PTPRG: variants seen among roughly 807,000 people sequenced by gnomAD.
PTPRG encodes receptor-type tyrosine-protein phosphatase gamma.
In PTPRG, 102 loss-of-function variants were observed where a neutral mutation model predicts 165.3. The ratio of observed to expected loss-of-function variants is 0.62; its 90% CI spans 0.53 to 0.73. PTPRG has a LOEUF of 0.73. Ranked by LOEUF, PTPRG falls within the 30% of genes least tolerant of loss-of-function variation. The pLI is 0.00. For synonymous variants in PTPRG, 675 were observed against 669.5 expected, an observed-to-expected ratio of 1.01 and a Z score of -0.13; for missense variants, 1,866 against 1,861.4, an observed-to-expected ratio of 1.00 and a Z score of -0.05.
chr3:62,121,178 C>T (rs1703057164), intron 5 of PTPRG, among the ~76,000 whole-genome samples: 1 of 150,444 alleles, frequency 6.6e-6, no homozygotes, highest in African/African-American at 2.5e-5. Context: ...TGATCTCGAT[C>T]TCCTGACCTC....
intron 1 of PTPRG, among the ~76,000 whole-genome samples, chr3:61,629,001 C>A (rs182748048): frequency 6.6e-6 from 1 of 152,062 alleles, no homozygotes; most frequent in South Asian, 2.1e-4. Flanking sequence ...TTCAGTGAAA[C>A]GTCTGCCATG....
intron 8 of PTPRG, among the ~76,000 whole-genome samples, chr3:62,183,733 C>T (rs1474206318): frequency 2.6e-5 from 4 of 152,012 alleles, no homozygotes; most frequent in African/African-American, 4.8e-5. Flanking sequence ...TTTAGAGAGA[C>T]CCGAAGGAGT....
intron 1 of PTPRG, among the ~76,000 whole-genome samples, chr3:61,741,828 G>C (rs666678): frequency 0.66 from 99,900 of 151,944 alleles, 33,732 homozygotes; most frequent in Middle Eastern, 0.73. Flanking sequence ...GACTTCCATT[G>C]ACATTCATAT....
At chr3:61,807,508 T>A (rs184122183) in intron 2 of PTPRG, among the ~76,000 whole-genome samples, 1 of 152,210 alleles carries the variant, frequency 6.6e-6, no homozygotes, top group Admixed American at 6.5e-5. Context: ...ATTTTAACAT[T>A]GTGGTCAATT....
At chr3:61,726,141 A>G (rs1286357422) in intron 1 of PTPRG, among the ~76,000 whole-genome samples, 1 of 152,184 alleles carries the variant, frequency 6.6e-6, no homozygotes, top group Non-Finnish European at 1.5e-5. Flanking sequence ...ATCATACTCT[A>G]TGACCTTGTG....
At chr3:61,892,309 C>G (rs1390626550) in intron 2 of PTPRG, among the ~76,000 whole-genome samples, 2 of 152,174 alleles carry the variant, frequency 1.3e-5, no homozygotes, top group African/African-American at 4.8e-5. Context: ...CTACTGTAGC[C>G]TCAGCATCCT....
At chr3:61,592,823 A>G (rs1166222642) in intron 1 of PTPRG, among the ~76,000 whole-genome samples, 1 of 152,050 alleles carries the variant, frequency 6.6e-6, no homozygotes, top group Non-Finnish European at 1.5e-5. Flanking sequence ...ATTTTCCCCC[A>G]CAAGTTCCCA....
chr3:62,283,635 G>A (rs73840297), intron 28 of PTPRG, among the ~76,000 whole-genome samples: 1 of 152,026 alleles, frequency 6.6e-6, no homozygotes, highest in Non-Finnish European at 1.5e-5. Context: ...GTAGCTCTTG[G>A]TCAGCAGCAT....
At chr3:61,742,761 CAG>C (rs2106887494) in intron 1 of PTPRG, 1 of 1,611,718 alleles carries the variant, frequency 6.2e-7, no homozygotes, top group East Asian at 2.2e-5. Flanking sequence ...TCTGCTTGAT[CAG>C]AGACTCTGAG....
chr3:61,989,009 G>A (rs566304088), intron 2 of PTPRG, among the ~76,000 whole-genome samples: 2 of 152,234 alleles, frequency 1.3e-5, no homozygotes, highest in African/African-American at 4.8e-5. Flanking sequence ...CTTTATACCT[G>A]CATTTTCTAC....
Position 62,292,416 on chromosome 3 carries a change from C to T in PTPRG, c.4056-5C>T, listed in dbSNP as rs368339082. 6.1e-5 allele frequency: 98 copies of T among 1,595,820 alleles called. No homozygotes were observed. The African/African-American group carries it at 1.1e-3, about 18-fold the overall frequency. On this transcript the variant is annotated splice_region_variant and splice_polypyrimidine_tract_variant and intron_variant, in intron 28 of 29. Coordinates refer to ENST00000474889, the MANE Select transcript of PTPRG (RefSeq NM_002841.4). The stretch of plus-strand genomic sequence containing the variant: ...GAAATCGTATCTTTTTTTTTTCTCC[C>T]CCAGGTATGGAGCAGTTTCAGCAGG...
At chr3:61,703,165 C>G (rs1022234891) in intron 1 of PTPRG, among the ~76,000 whole-genome samples, 2 of 150,738 alleles carry the variant, frequency 1.3e-5, no homozygotes, top group Admixed American at 6.6e-5. Flanking sequence ...TTTTTTTTCC[C>G]CCTGTATGAA....
intron 4 of PTPRG, among the ~76,000 whole-genome samples, chr3:62,057,186 G>A (rs531433749): frequency 2.0e-5 from 3 of 152,294 alleles, no homozygotes; most frequent in African/African-American, 7.2e-5. Context: ...ACCTGAGAAG[G>A]AAAGGCAGGG....
intron 1 of PTPRG, among the ~76,000 whole-genome samples, chr3:61,562,599 G>A (rs560885828): frequency 4.9e-4 from 74 of 152,188 alleles, no homozygotes; most frequent in African/African-American, 1.8e-3. Flanking sequence ...CCGGGGAGGG[G>A]GCTGGGGGAC....
At chr3:61,738,307 TATATAC>T (rs1252414622) in intron 1 of PTPRG, among the ~76,000 whole-genome samples, 1,999 of 88,908 alleles carry the variant, frequency 0.022, 306 homozygotes, top group South Asian at 0.051. Context: ...TATATATATA[TATATAC>T]ATATATATAT....
In PTPRG at chr3:61,786,699, A is replaced by G. The variant is rs968788835; in HGVS notation, c.190+37717A>G. ...GCTTCTATTTTTATACTTATGTCTC[A>G]TGATGTTTTTAAGACGCCAGAAATG... On this transcript the variant is annotated intron_variant, in intron 2 of 29. Transcript: ENST00000474889. Among the ~76,000 whole-genome samples the G allele has an allele frequency of 6.8e-4, 104 of 152,198 alleles. 7 individuals are homozygous for G. The highest frequency in any genetic ancestry group is 1.5e-5 in the Non-Finnish European group (1 of 68,040).
At chr3:62,231,108 T>G in intron 13 of PTPRG, 117 bp from the exon 14 acceptor site, 1 of 687,604 alleles carries the variant, frequency 1.5e-6, no homozygotes, top group Non-Finnish European at 2.1e-6. Flanking sequence ...AGATGAGGCC[T>G]GATGACGGGG....
At chr3:62,010,700 G>A (rs974020099) in intron 4 of PTPRG, among the ~76,000 whole-genome samples, 2 of 152,114 alleles carry the variant, frequency 1.3e-5, no homozygotes, top group Non-Finnish European at 1.5e-5. Context: ...ATCTTGGCTT[G>A]TTCAAGAAAC....
intron 28 of PTPRG, among the ~76,000 whole-genome samples, chr3:62,284,714 T>A (rs572572691): frequency 1.3e-5 from 2 of 152,258 alleles, no homozygotes; most frequent in African/African-American, 4.8e-5. Context: ...CTTCACTGCC[T>A]GCCCCTAATC....
Sources: gnomAD v4.1 joint callset for allele counts (sites outside exome capture counted in the v4.1 genomes callset) on GRCh38, gnomAD v4.1.1 for gene constraint, MANE v1.5 for transcripts, NCBI Gene and HGNC (gene_info 2026-07-23, HGNC 2026-07-21) for gene names.